WDR70: variants seen among roughly 807,000 people sequenced by gnomAD.
The protein encoded by WDR70 is WD repeat domain 70, also known as WD repeat-containing protein 70.
In WDR70, 53 loss-of-function variants were observed where a neutral mutation model predicts 88.6. That is an observed-to-expected ratio of 0.60 (90% CI 0.48 to 0.75). The LOEUF (loss-of-function observed/expected upper bound fraction) is 0.75. Among genes scored for constraint, WDR70 ranks in the 30% least tolerant of loss-of-function variants. The pLI is 0.00. For missense variants in WDR70, 610 were observed against 823.2 expected (o/e 0.74, Z 3.17); for synonymous variants, 280 against 270.0 (o/e 1.04, Z -0.36).
chr5:37,651,712 T>C (rs1473543092), intron 10 of WDR70, among the ~76,000 whole-genome samples: 2 of 152,228 alleles, frequency 1.3e-5, no homozygotes, highest in Non-Finnish European at 2.9e-5. Context: ...TGACCAGTGA[T>C]GATGAGGTTT....
intron 10 of WDR70, among the ~76,000 whole-genome samples, chr5:37,669,581 C>G (rs1263350197): frequency 2.0e-5 from 3 of 152,022 alleles, no homozygotes; most frequent in Non-Finnish European, 4.4e-5. Flanking sequence ...TGTCAGACCA[C>G]TGCTGGTACC....
intron 9 of WDR70, among the ~76,000 whole-genome samples, chr5:37,585,114 C>A (rs1743329682): frequency 6.6e-6 from 1 of 151,572 alleles, no homozygotes; most frequent in Non-Finnish European, 1.5e-5. Context: ...CCTCAACCTC[C>A]TAAATAGCTG....
intron 7 of WDR70, among the ~76,000 whole-genome samples, chr5:37,450,714 A>G (rs978343735): frequency 2.0e-5 from 3 of 152,216 alleles, no homozygotes; most frequent in African/African-American, 7.2e-5. Flanking sequence ...GATAGAAGTC[A>G]TTTATAAGAA....
chr5:37,545,589 A>G (rs1229849109), intron 9 of WDR70, among the ~76,000 whole-genome samples: 10 of 151,554 alleles, frequency 6.6e-5, no homozygotes, highest in Admixed American at 6.6e-5. Flanking sequence ...GCTGGAGCGC[A>G]GTGGCTGATC....
chr5:37,697,259 G>A (rs1747009773), intron 10 of WDR70, among the ~76,000 whole-genome samples: 1 of 152,166 alleles, frequency 6.6e-6, no homozygotes, highest in Non-Finnish European at 1.5e-5. Flanking sequence ...ATATTTTGGG[G>A]TAAATAAATA....
At chr5:37,624,014 T>A (rs1744592336) in intron 10 of WDR70, among the ~76,000 whole-genome samples, 2 of 152,204 alleles carry the variant, frequency 1.3e-5, no homozygotes, top group Non-Finnish European at 2.9e-5. Flanking sequence ...GTAAGTAACA[T>A]TCATCATCTC....
At chr5:37,679,768 C>G (rs537374294) in intron 10 of WDR70, among the ~76,000 whole-genome samples, 3 of 152,344 alleles carry the variant, frequency 2.0e-5, no homozygotes, top group African/African-American at 7.2e-5. Flanking sequence ...TCAGAGCTGT[C>G]AGACCGGGAC....
At chr5:37,627,298 C>G (rs1232375319) in intron 10 of WDR70, among the ~76,000 whole-genome samples, 1 of 152,070 alleles carries the variant, frequency 6.6e-6, no homozygotes, top group Non-Finnish European at 1.5e-5. Context: ...CCGTGTTTCC[C>G]AGGAAACTTG....
chr5:37,455,197 A>G (rs962485508), intron 7 of WDR70, among the ~76,000 whole-genome samples: 2 of 151,640 alleles, frequency 1.3e-5, no homozygotes, highest in African/African-American at 2.4e-5. Context: ...CCTCTGAAAA[A>G]TCAGACTACT....
chr5:37,640,696 T>G (rs930448995), intron 10 of WDR70, among the ~76,000 whole-genome samples: 1 of 152,224 alleles, frequency 6.6e-6, no homozygotes, highest in African/African-American at 2.4e-5. Flanking sequence ...ATTTGGAAAT[T>G]CTGTATGAAA....
intron 5 of WDR70, among the ~76,000 whole-genome samples, chr5:37,435,482 A>T (rs1750439738): frequency 6.6e-6 from 1 of 152,136 alleles, no homozygotes; most frequent in African/African-American, 2.4e-5. Context: ...TTTGTGTTTG[A>T]ATATTGATAT....
chr5:37,537,208 C>T (rs1402747303), intron 9 of WDR70, among the ~76,000 whole-genome samples: 3 of 152,208 alleles, frequency 2.0e-5, no homozygotes, highest in Admixed American at 2.0e-4. Context: ...GAAGAAAATA[C>T]TGTATATGAC....
intron 10 of WDR70, among the ~76,000 whole-genome samples, chr5:37,611,688 A>G (rs1198618513): frequency 6.6e-6 from 1 of 151,564 alleles, no homozygotes; most frequent in Admixed American, 6.6e-5. Context: ...TTACGTAGTT[A>G]TTCATTATTT....
At chr5:37,536,815 A>T (rs1172100970) in intron 9 of WDR70, among the ~76,000 whole-genome samples, 2 of 152,086 alleles carry the variant, frequency 1.3e-5, no homozygotes, top group Non-Finnish European at 2.9e-5. Context: ...TTTTATTTAC[A>T]ATTTCAATTT....
At chr5:37,529,983 T>G (rs1189809987) in intron 9 of WDR70, among the ~76,000 whole-genome samples, 1 of 152,164 alleles carries the variant, frequency 6.6e-6, no homozygotes, top group African/African-American at 2.4e-5. Flanking sequence ...TTTATTATGT[T>G]AAGGTATGTC....
intron 3 of WDR70, among the ~76,000 whole-genome samples, chr5:37,382,319 C>T (rs1447401524): frequency 6.8e-5 from 10 of 147,130 alleles, no homozygotes; most frequent in Non-Finnish European, 1.5e-4. Context: ...AGGCTAGTTT[C>T]GAACTCCTGA....
At chr5:37,691,427 C>T (rs1158292801) in intron 10 of WDR70, among the ~76,000 whole-genome samples, 1 of 152,206 alleles carries the variant, frequency 6.6e-6, no homozygotes, top group African/African-American at 2.4e-5. Flanking sequence ...AGCACCACAT[C>T]AAACTTATTC....
intron 9 of WDR70, among the ~76,000 whole-genome samples, chr5:37,593,205 C>T (rs1426097333): frequency 1.3e-5 from 2 of 152,098 alleles, no homozygotes; most frequent in African/African-American, 2.4e-5. Flanking sequence ...ACGTGCACAA[C>T]GTGCAGGTTT....
chr5:37,726,719 G>A (rs575370472), intron 16 of WDR70, among the ~76,000 whole-genome samples, 164 bp from the exon 17 acceptor site: 1 of 152,252 alleles, frequency 6.6e-6, no homozygotes, highest in Non-Finnish European at 1.5e-5. Flanking sequence ...GGGAAGTTGA[G>A]GTTTGGTGAT....
Sources: gnomAD v4.1 joint callset for allele counts (sites outside exome capture counted in the v4.1 genomes callset) on GRCh38, gnomAD v4.1.1 for gene constraint, MANE v1.5 for transcripts, NCBI Gene and HGNC (gene_info 2026-07-23, HGNC 2026-07-21) for gene names.